RIC1: variants seen among roughly 807,000 people sequenced by gnomAD.
RIC1 encodes RIC1 partner of RAB6A GEF complex.
In RIC1, 88 loss-of-function variants were observed where a neutral mutation model predicts 169.0. That is an observed-to-expected ratio of 0.52 (90% CI 0.44 to 0.62). The LOEUF is 0.62. Among genes scored for constraint, RIC1 ranks in the 20% least tolerant of loss-of-function variants. The pLI is 0.00. For missense variants in RIC1, 1,877 were observed against 1,725.5 expected (o/e 1.09, Z -1.56); for synonymous variants, 790 against 601.5 (o/e 1.31, Z -4.59).
chr9:5,768,841 C>A, intron 21 of RIC1, 129 bp from the exon 22 acceptor site: 2 of 1,004,434 alleles, frequency 2.0e-6, no homozygotes, highest in South Asian at 1.7e-5. Flanking sequence ...ACTTTATCTT[C>A]ATTGTCAATC....
Position 5,747,353 on chromosome 9 carries a change from T to A in RIC1, c.1300T>A (p.Cys434Ser), listed in dbSNP as rs1402710795. The A allele has an allele frequency of 6.2e-7, 1 of 1,614,062 alleles. No individual in the cohort carries two copies. Among genetic ancestry groups the A allele is most frequent in the South Asian group, 1.1e-5 (1 of 91,084 alleles). The change falls in exon 12 of 26, where the codon TGT becomes AGT. Residue 434 changes from cysteine to serine, a missense_variant. By Grantham distance (112) the Cys-to-Ser change is moderately radical. Around this residue, in one of 3 missense-constraint regions of RIC1, gnomAD observed 1,104 missense variants for 992.0 expected, o/e 1.11. Coordinates refer to ENST00000414202, the MANE Select transcript of RIC1 (RefSeq NM_020829.4). ...LQGEDRLYLN[C>S]GEASQTQNPR... ...GGGTGAGGATCGCTTGTACTTGAAC[T>A]GTGGAGAGGCTTCACAAACCCAGAA...
intron 6 of RIC1, among the ~76,000 whole-genome samples, chr9:5,724,753 C>G (rs201358411): frequency 1.3e-5 from 2 of 152,076 alleles, no homozygotes; most frequent in Non-Finnish European, 2.9e-5. Flanking sequence ...TTTATTGAGA[C>G]TTTTTAGCAG....
chr9:5,739,670 G>A (rs1824945791), intron 8 of RIC1, among the ~76,000 whole-genome samples: 1 of 152,104 alleles, frequency 6.6e-6, no homozygotes, highest in Admixed American at 6.6e-5. Flanking sequence ...GGCAGCACAG[G>A]GTTTATAATC....
In RIC1 at chr9:5,763,871, A is replaced by G. The variant is rs566272974; in HGVS notation, c.2841+3A>G. 1.4e-5 allele frequency: 23 copies of G among 1,601,110 alleles called. No individual in the cohort carries two copies. The East Asian group carries it at 5.2e-4, about 36-fold the overall frequency. Reference sequence around the variant, plus strand: ...CCTCTTACCTTATTATCTTACAGGTAACAATTCTCTTCTTATAAAGGGGCA... The same window carrying G: ...CCTCTTACCTTATTATCTTACAGGTGACAATTCTCTTCTTATAAAGGGGCA... On this transcript the variant is annotated splice_donor_region_variant and intron_variant, in intron 19 of 25. Transcript: ENST00000414202. This position sits in a 1 kb window ranked among gnomAD's most constrained non-coding sequence, Gnocchi z 5.2.
At chr9:5,646,695 A>G (rs1373911364) in intron 1 of RIC1, among the ~76,000 whole-genome samples, 1 of 152,124 alleles carries the variant, frequency 6.6e-6, no homozygotes, top group Non-Finnish European at 1.5e-5. Flanking sequence ...CTAGTGATGC[A>G]TTTCTTGGAA....
chr9:5,715,415 A>C (rs1823173019), intron 4 of RIC1, among the ~76,000 whole-genome samples: 1 of 152,188 alleles, frequency 6.6e-6, no homozygotes, highest in African/African-American at 2.4e-5. Flanking sequence ...TTAATCTATG[A>C]ATTTAGGTGG....
chr9:5,651,266 C>A (rs536157388), intron 1 of RIC1, among the ~76,000 whole-genome samples: 1 of 152,272 alleles, frequency 6.6e-6, no homozygotes, highest in African/African-American at 2.4e-5. Context: ...CCCTCTTCTT[C>A]CTTGCTTTAG....
intron 3 of RIC1, among the ~76,000 whole-genome samples, chr9:5,711,569 TTA>T (rs3068559): frequency 0.1 from 15,107 of 149,860 alleles, 1,088 homozygotes; most frequent in East Asian, 0.26. Flanking sequence ...TATCTTTATT[TTA>T]TATATATATA....
chr9:5,773,542 T>G (rs1827375039), intron 25 of RIC1, among the ~76,000 whole-genome samples: 1 of 152,230 alleles, frequency 6.6e-6, no homozygotes, highest in South Asian at 2.1e-4. Context: ...AGCCCTGTCT[T>G]TATTACCAGT....
intron 12 of RIC1, among the ~76,000 whole-genome samples, chr9:5,751,867 C>A (rs1486445249): frequency 2.0e-5 from 3 of 152,212 alleles, no homozygotes; most frequent in Non-Finnish European, 4.4e-5. Flanking sequence ...ATTACATACA[C>A]AATCTTACTG....
intron 23 of RIC1, 146 bp downstream of exon 23, chr9:5,770,424 A>T: frequency 1.5e-6 from 1 of 668,688 alleles, no homozygotes; most frequent in Non-Finnish European, 2.4e-6. Flanking sequence ...AAGTTTGTAG[A>T]ACAAGGCCAA....
At chr9:5,724,768 G>T (rs1395656353) in intron 6 of RIC1, among the ~76,000 whole-genome samples, 1 of 152,158 alleles carries the variant, frequency 6.6e-6, no homozygotes, top group Non-Finnish European at 1.5e-5. Flanking sequence ...TAGCAGGAAG[G>T]ACTGTTGAAT....
At chr9:5,703,346 C>G (rs1012317261) in intron 3 of RIC1, among the ~76,000 whole-genome samples, 4 of 152,156 alleles carry the variant, frequency 2.6e-5, no homozygotes, top group African/African-American at 9.7e-5. Flanking sequence ...CCAAAATAAC[C>G]TCCTTTGACT....
intron 11 of RIC1, among the ~76,000 whole-genome samples, chr9:5,746,497 T>G (rs1167828724): frequency 6.6e-6 from 1 of 152,112 alleles, no homozygotes; most frequent in East Asian, 1.9e-4. Context: ...TTGTAGAGAT[T>G]GATTGTAGGG....
intron 6 of RIC1, among the ~76,000 whole-genome samples, chr9:5,727,524 C>G (rs1243075896): frequency 6.6e-6 from 1 of 152,200 alleles, no homozygotes; most frequent in African/African-American, 2.4e-5. Context: ...TACTGATCGT[C>G]TGAAGCCTTC....
intron 1 of RIC1, among the ~76,000 whole-genome samples, chr9:5,649,061 G>C (rs190899964): frequency 1.7e-3 from 266 of 152,226 alleles, no homozygotes; most frequent in African/African-American, 6.2e-3. Flanking sequence ...TTTGAGCCAG[G>C]GAGGTAAAGG....
intron 7 of RIC1, 54 bp downstream of exon 7, chr9:5,732,533 T>A: frequency 4.3e-6 from 1 of 233,646 alleles, no homozygotes. Context: ...AAAATACTGG[T>A]TTTTTTTTTT....
rs528675017 is a variant in RIC1, at chr9:5,658,464, A to G, written c.252+1774A>G. Among the ~76,000 whole-genome samples the G allele has an allele frequency of 3.9e-5, 6 of 152,246 alleles. No homozygotes were observed. The East Asian group carries it at 1.2e-3, about 29-fold the overall frequency. ...TTTTGATAAATTGACAGATGTTATA[A>G]TACTGCTCAGTTGTAAATTTCAGTG... is the stretch of plus-strand genomic sequence containing the variant. On this transcript the variant is annotated intron_variant, in intron 2 of 25. Coordinates refer to ENST00000414202, the MANE Select transcript of RIC1 (RefSeq NM_020829.4).
At chr9:5,697,537 G>A (rs1821974313) in intron 3 of RIC1, among the ~76,000 whole-genome samples, 1 of 152,036 alleles carries the variant, frequency 6.6e-6, no homozygotes, top group African/African-American at 2.4e-5. Context: ...GTATATTTAA[G>A]CACATCCAAG....
Sources: gnomAD v4.1 joint callset for allele counts (sites outside exome capture counted in the v4.1 genomes callset) on GRCh38, gnomAD v4.1.1 for gene constraint, gnomAD v4.1.1 regional missense constraint, Gnocchi (gnomAD v3.1) non-coding constraint, MANE v1.5 for transcripts, NCBI Gene and HGNC (gene_info 2026-07-23, HGNC 2026-07-21) for gene names.